Variants in SPATA16 observed in about 807,000 individuals in gnomAD.
SPATA16 encodes the protein spermatogenesis-associated protein 16.
Under a neutral mutation model 63.3 loss-of-function variants are expected in SPATA16, and 36 were observed. That is an observed-to-expected ratio of 0.57 (90% CI 0.44 to 0.75). The LOEUF is 0.75. Among genes scored for constraint, SPATA16 ranks in the 30% least tolerant of loss-of-function variants. SPATA16 has a pLI of 0.00. For synonymous variants in SPATA16, 203 were observed against 216.7 expected (o/e 0.94, Z 0.56); for missense variants, 646 against 679.3 (o/e 0.95, Z 0.54).
chr3:172,988,647 A>G (rs1489494801), intron 4 of SPATA16, among the ~76,000 whole-genome samples: 2 of 152,120 alleles, frequency 1.3e-5, no homozygotes, highest in Non-Finnish European at 2.9e-5. Context: ...ACTTTATAAC[A>G]CTTTAATTTT....
intron 3 of SPATA16, among the ~76,000 whole-genome samples, chr3:173,047,342 T>C (rs1442588153): frequency 6.6e-6 from 1 of 151,948 alleles, no homozygotes; most frequent in Non-Finnish European, 1.5e-5. Context: ...TTCATCAAAA[T>C]AATCTGATAT....
intron 10 of SPATA16, among the ~76,000 whole-genome samples, chr3:172,898,326 C>G (rs1305090219): frequency 6.6e-6 from 1 of 151,862 alleles, no homozygotes; most frequent in South Asian, 2.1e-4. Context: ...GGTGTTAATT[C>G]TTTAAATGTG....
chr3:173,079,974 A>T (rs1325882489), intron 2 of SPATA16, among the ~76,000 whole-genome samples: 2 of 152,198 alleles, frequency 1.3e-5, no homozygotes, highest in East Asian at 3.8e-4. Context: ...CGCAATGCCT[A>T]AAGTGAATTT....
At chr3:173,106,376 A>C (rs543243259) in intron 2 of SPATA16, among the ~76,000 whole-genome samples, 10 of 152,184 alleles carry the variant, frequency 6.6e-5, no homozygotes, top group Non-Finnish European at 1.5e-4. Context: ...TAAAATCAAC[A>C]CGTGGATTAT....
At chr3:173,108,566 T>C (rs1292379051) in intron 2 of SPATA16, among the ~76,000 whole-genome samples, 2 of 152,120 alleles carry the variant, frequency 1.3e-5, no homozygotes, top group Non-Finnish European at 2.9e-5. Flanking sequence ...CAGATAATTG[T>C]ACTGGACTCT....
chr3:172,978,155 C>A (rs1234509504), intron 4 of SPATA16, among the ~76,000 whole-genome samples: 199 of 148,952 alleles, frequency 1.3e-3, no homozygotes, highest in Middle Eastern at 0.01. Context: ...CTCTCTCTCT[C>A]TCTCTCTATA....
intron 5 of SPATA16, among the ~76,000 whole-genome samples, chr3:172,967,525 G>C (rs1341957428): frequency 6.6e-6 from 1 of 152,114 alleles, no homozygotes; most frequent in African/African-American, 2.4e-5. Context: ...TGTTGCCCAG[G>C]CTGGAGTGCA....
intron 4 of SPATA16, among the ~76,000 whole-genome samples, chr3:172,997,895 A>G (rs1390410424): frequency 6.6e-6 from 1 of 152,132 alleles, no homozygotes; most frequent in Non-Finnish European, 1.5e-5. Flanking sequence ...TTCGGATTAA[A>G]GATCAGTTGA....
intron 2 of SPATA16, among the ~76,000 whole-genome samples, chr3:173,111,366 T>C (rs1405596861): frequency 6.6e-6 from 1 of 151,996 alleles, no homozygotes. Context: ...GCCGAGATCG[T>C]ACCACTGCAC....
intron 4 of SPATA16, among the ~76,000 whole-genome samples, chr3:172,985,515 A>T (rs1734432196): frequency 6.6e-6 from 1 of 152,202 alleles, no homozygotes; most frequent in African/African-American, 2.4e-5. Context: ...ACATGCCAAA[A>T]TATCAGGCAT....
intron 2 of SPATA16, among the ~76,000 whole-genome samples, chr3:173,088,012 T>A (rs879260846): frequency 0.19 from 8,503 of 45,444 alleles, 507 homozygotes; most frequent in South Asian, 0.21. Flanking sequence ...CTTTCCGTCT[T>A]TCTTTCTTTC....
At chr3:173,005,327 GAAAAAAAAA>G (rs531594936) in intron 4 of SPATA16, among the ~76,000 whole-genome samples, 1 of 78,814 alleles carries the variant, frequency 1.3e-5, no homozygotes, top group African/African-American at 4.5e-5. Flanking sequence ...TGTCTCAAAA[GAAAAAAAAA>G]AAAAAAAAAA....
At chr3:173,137,304 A>G (rs1577194611) in intron 1 of SPATA16, among the ~76,000 whole-genome samples, 1 of 152,200 alleles carries the variant, frequency 6.6e-6, no homozygotes, top group Non-Finnish European at 1.5e-5. Context: ...TTGAAGGAAT[A>G]TTGTGGATGT....
chr3:173,069,968 AC>A (rs1399301633), intron 2 of SPATA16, among the ~76,000 whole-genome samples: 2 of 150,922 alleles, frequency 1.3e-5, no homozygotes, highest in Non-Finnish European at 3.0e-5. Flanking sequence ...AAAAAAAAAA[AC>A]TGGGTGTAGA....
At chr3:172,989,181 A>G (rs1367451797) in intron 4 of SPATA16, among the ~76,000 whole-genome samples, 1 of 152,102 alleles carries the variant, frequency 6.6e-6, no homozygotes, top group Non-Finnish European at 1.5e-5. Flanking sequence ...ATAGGATTCA[A>G]CCTTTCCCTC....
At chr3:172,956,614 A>C in intron 6 of SPATA16, 63 bp downstream of exon 6, 1 of 1,548,714 alleles carries the variant, frequency 6.5e-7, no homozygotes, top group Non-Finnish European at 8.8e-7. Context: ...ACCAGAAAGA[A>C]CCCTGTATTT....
At chr3:172,959,907 A>AT (rs574760352) in intron 5 of SPATA16, among the ~76,000 whole-genome samples, 153 of 149,666 alleles carry the variant, frequency 1.0e-3, no homozygotes, top group Non-Finnish European at 1.9e-3. Context: ...AAATAGTAGG[A>AT]TTTTTTTTGA....
rs1026875386 is a variant in SPATA16, at chr3:172,913,753, C to T, written c.1504-9G>A. The T allele has an allele frequency of 3.7e-6, 6 of 1,611,908 alleles. No homozygotes were observed. The highest frequency in any genetic ancestry group is 2.7e-5 in the African/African-American group (2 of 74,806). On this transcript the variant is annotated splice_polypyrimidine_tract_variant and intron_variant, in intron 9 of 10. Transcript: ENST00000351008. ...GCCATTAGTGACTGCAGCTGTGGCA[C>T]CAAGATAAAAATTATCAGTGTGGAA...
chr3:172,942,413 AATTT>A (rs1420411415), intron 6 of SPATA16, among the ~76,000 whole-genome samples: 2 of 152,224 alleles, frequency 1.3e-5, no homozygotes, highest in African/African-American at 2.4e-5. Flanking sequence ...AAAACTAGTG[AATTT>A]ATTAATATCA....
Sources: gnomAD v4.1 joint callset for allele counts (sites outside exome capture counted in the v4.1 genomes callset) on GRCh38, gnomAD v4.1.1 for gene constraint, MANE v1.5 for transcripts, NCBI Gene and HGNC (gene_info 2026-07-23, HGNC 2026-07-21) for gene names.